USH2A: variants seen among roughly 807,000 people sequenced by gnomAD.
USH2A encodes the protein Usher syndrome 2A (autosomal recessive, mild).
A neutral mutation model predicts 538.9 loss-of-function variants in USH2A; 443 were observed. The ratio of observed to expected loss-of-function variants is 0.82; its 90% CI spans 0.76 to 0.89. USH2A has a LOEUF of 0.89. Among genes scored for constraint, USH2A ranks in the 40% least tolerant of loss-of-function variants. The pLI is 0.00. For synonymous variants in USH2A, 2,413 were observed against 2,273.5 expected, an observed-to-expected ratio of 1.06 and a Z score of -1.75; for missense variants, 6,633 against 6,324.8, an observed-to-expected ratio of 1.05 and a Z score of -1.65.
chr1:216,002,688 C>T (rs1401792121), intron 32 of USH2A, among the ~76,000 whole-genome samples: 11 of 152,074 alleles, frequency 7.2e-5, no homozygotes, highest in Non-Finnish European at 1.5e-5. Context: ...CCAGTGAACT[C>T]TTTGGAGTGG....
chr1:216,324,385 GT>G, intron 6 of USH2A, 33 bp from the exon 7 acceptor site: 1 of 1,552,052 alleles, frequency 6.4e-7, no homozygotes, highest in Non-Finnish European at 8.8e-7. Context: ...TGTAATTAAA[GT>G]TTTAAGTTTA....
intron 44 of USH2A, among the ~76,000 whole-genome samples, chr1:215,854,885 A>G (rs1664118149): frequency 6.6e-6 from 1 of 152,224 alleles, no homozygotes; most frequent in Non-Finnish European, 1.5e-5. Context: ...TATGTTGAAC[A>G]TGCCTTGCCC....
In USH2A at chr1:215,846,178, C is replaced by T. The variant is rs1349396788; in HGVS notation, c.8846-145G>A. 3 of 762,006 alleles carry T rather than the reference C, an allele frequency of 3.9e-6. No individual in the cohort carries two copies. The African/African-American group carries it at 5.3e-5, about 13-fold the overall frequency. 47.2% of individuals were successfully genotyped at this position (762,006 alleles called of 1,614,324 possible). ...AAATGTTAAAAAAAGCTTATGAGAT[C>T]TCCTTTTTGGTGGTGCTGGTGGTGA... On this transcript the variant is annotated intron_variant, in intron 44 of 71. Transcript: ENST00000307340.
intron 21 of USH2A, among the ~76,000 whole-genome samples, chr1:216,147,770 A>G (rs2033740901): frequency 1.3e-5 from 2 of 151,036 alleles, no homozygotes; most frequent in African/African-American, 2.4e-5. Context: ...AAACGCCTGA[A>G]CCGCAGCGGC....
chr1:215,709,691 C>T (rs1216247213), intron 61 of USH2A, among the ~76,000 whole-genome samples: 2 of 149,168 alleles, frequency 1.3e-5, no homozygotes, highest in Admixed American at 6.7e-5. Flanking sequence ...TGACTAATTT[C>T]CCAGTGGGAA....
chr1:216,321,755 G>T, intron 9 of USH2A, 128 bp downstream of exon 9: 1 of 805,540 alleles, frequency 1.2e-6, no homozygotes, highest in South Asian at 1.6e-5. Context: ...TGCAATAATT[G>T]ACATTTTAAG....
At chr1:216,094,675 C>A (rs2032395468) in intron 22 of USH2A, among the ~76,000 whole-genome samples, 2 of 152,086 alleles carry the variant, frequency 1.3e-5, no homozygotes, top group Admixed American at 1.3e-4. Flanking sequence ...ATATTTCTTT[C>A]CAACCTGGTG....
intron 14 of USH2A, among the ~76,000 whole-genome samples, chr1:216,221,509 A>G (rs113792073): frequency 2.4e-3 from 362 of 152,320 alleles, no homozygotes; most frequent in African/African-American, 8.4e-3. Flanking sequence ...CGCTGTGTGA[A>G]CTGAAAGCCA....
At chr1:216,018,770 A>T (rs1334129093) in intron 32 of USH2A, among the ~76,000 whole-genome samples, 2 of 147,462 alleles carry the variant, frequency 1.4e-5, no homozygotes, top group Admixed American at 1.4e-4. Flanking sequence ...ATATTTACAC[A>T]TTTGAAAAAT....
intron 51 of USH2A, among the ~76,000 whole-genome samples, chr1:215,787,273 C>A (rs545869356): frequency 6.6e-5 from 10 of 152,230 alleles, no homozygotes; most frequent in African/African-American, 2.2e-4. Flanking sequence ...TTAGTATACA[C>A]ACTACAAATA....
chr1:215,633,133 G>A (rs545947426), intron 70 of USH2A, among the ~76,000 whole-genome samples: 2 of 152,180 alleles, frequency 1.3e-5, no homozygotes, highest in South Asian at 2.1e-4. Context: ...TAGAATGGGA[G>A]GTGACATTTG....
chr1:216,277,736 T>C (rs1047451778), intron 11 of USH2A, among the ~76,000 whole-genome samples: 9 of 152,168 alleles, frequency 5.9e-5, no homozygotes, highest in Admixed American at 6.6e-5. Flanking sequence ...GCAATGTGAC[T>C]AGCTATCATC....
chr1:215,836,497 T>TATA (rs1553267735), intron 47 of USH2A, among the ~76,000 whole-genome samples: 6 of 16,834 alleles, frequency 3.6e-4, no homozygotes, highest in African/African-American at 1.2e-3. Context: ...ATTATATATA[T>TATA]AATATATATT....
intron 38 of USH2A, among the ~76,000 whole-genome samples, chr1:215,920,058 A>G (rs1169958026): frequency 2.7e-5 from 4 of 147,884 alleles, no homozygotes; most frequent in African/African-American, 1.0e-4. Context: ...ATGTCAGTTT[A>G]GATTCTTGCC....
At chr1:216,285,349 C>T (rs775662689) in intron 11 of USH2A, among the ~76,000 whole-genome samples, 7 of 152,230 alleles carry the variant, frequency 4.6e-5, no homozygotes, top group Non-Finnish European at 7.3e-5. Context: ...ATGGCAGCTC[C>T]AAGCCTTGGC....
intron 47 of USH2A, among the ~76,000 whole-genome samples, chr1:215,836,508 A>T (rs1234583766): frequency 2.0e-4 from 6 of 29,490 alleles, no homozygotes; most frequent in African/African-American, 7.4e-4. Context: ...AATATATATT[A>T]TATATATATA....
At chr1:215,970,386 A>G (rs1667462426) in intron 36 of USH2A, among the ~76,000 whole-genome samples, 1 of 152,178 alleles carries the variant, frequency 6.6e-6, no homozygotes, top group Non-Finnish European at 1.5e-5. Context: ...TAGCCAACTT[A>G]TCTTTCTTTC....
At chr1:216,029,769 C>G (rs1167237292) in intron 32 of USH2A, among the ~76,000 whole-genome samples, 3 of 151,672 alleles carry the variant, frequency 2.0e-5, no homozygotes, top group African/African-American at 7.2e-5. Flanking sequence ...CTTAAACTAT[C>G]TAGACTTCAG....
chr1:216,117,262 T>C (rs960685747), intron 21 of USH2A, among the ~76,000 whole-genome samples: 2 of 152,198 alleles, frequency 1.3e-5, no homozygotes, highest in African/African-American at 4.8e-5. Flanking sequence ...ATGGTCAGAC[T>C]GCAATATTTA....
Sources: allele counts gnomAD v4.1 joint callset (sites outside exome capture counted in the v4.1 genomes callset), GRCh38; gene constraint gnomAD v4.1.1; transcripts MANE v1.5; gene names NCBI Gene and HGNC (gene_info 2026-07-23, HGNC 2026-07-21).